The following B4GALNT3 variants were observed in gnomAD, a reference collection of about 807,000 sequenced individuals.
The protein encoded by B4GALNT3 is beta-1,4-N-acetylgalactosaminyltransferase 3.
A neutral mutation model predicts 120.2 loss-of-function variants in B4GALNT3; 86 were observed. The observed-to-expected ratio is 0.72, with a 90% CI of 0.60 to 0.86. The LOEUF is 0.86. Among genes scored for constraint, B4GALNT3 ranks in the 40% least tolerant of loss-of-function variants. B4GALNT3 has a pLI of 0.00. For synonymous variants in B4GALNT3, 518 were observed against 510.4 expected (o/e 1.01, Z -0.20); for missense variants, 1,167 against 1,298.9 (o/e 0.90, Z 1.56).
intron 4 of B4GALNT3, 44 bp downstream of exon 4, chr12:544,478 C>T (rs1429034855): frequency 6.7e-7 from 1 of 1,500,256 alleles, no homozygotes; most frequent in East Asian, 2.3e-5. Flanking sequence ...TCCACACCTG[C>T]CTCCTCTGCC....
At chr12:498,314 G>A (rs11063286) in intron 1 of B4GALNT3, among the ~76,000 whole-genome samples, 24,772 of 151,946 alleles carry the variant, frequency 0.16, 2,852 homozygotes, top group Admixed American at 0.3. Flanking sequence ...CACCATGTCC[G>A]CCCAAGTCCA....
At position 521,808 on chromosome 12, in the gene B4GALNT3, G is replaced by A. The variant is rs541358760; in HGVS notation, c.170-13358G>A. ...ACTGAGGACAGGCAACCAACAGTTCGCAGACCTCTATCGGCACTGAGCTGG... is the reference window on the plus strand; with the variant it reads ...ACTGAGGACAGGCAACCAACAGTTCACAGACCTCTATCGGCACTGAGCTGG... On this transcript the variant is annotated intron_variant, in intron 1 of 19. Coordinates refer to ENST00000266383, the MANE Select transcript of B4GALNT3 (RefSeq NM_173593.4). Among the ~76,000 whole-genome samples the A allele has an allele frequency of 4.0e-4, 61 of 152,270 alleles. 1 individual carries two copies. Among genetic ancestry groups the A allele is most frequent in the Middle Eastern group, 3.4e-3 (1 of 294 alleles).
rs201831321 is a variant in B4GALNT3 at position 527,037 on chromosome 12, G to A, written c.170-8129G>A. 1.1e-4 allele frequency among the ~76,000 whole-genome samples: 17 copies of A among 152,118 alleles called. No individual in the cohort carries two copies. In the East Asian group the frequency reaches 3.3e-3, roughly 29 times the overall value. Reference sequence around the variant, plus strand: ...TCTACCTCCTAGGTTCAATCCTCCCGAGTAGCTGGGAACACAGGTGCGCAC... The same window carrying A: ...TCTACCTCCTAGGTTCAATCCTCCCAAGTAGCTGGGAACACAGGTGCGCAC... On this transcript the variant is annotated intron_variant, in intron 1 of 19. Transcript: ENST00000266383.
intron 19 of B4GALNT3, among the ~76,000 whole-genome samples, chr12:560,055 G>T (rs1947209697): frequency 6.6e-6 from 1 of 152,178 alleles, no homozygotes; most frequent in Non-Finnish European, 1.5e-5. Flanking sequence ...GGGACACCAG[G>T]CCATGGGTGG....
At chr12:551,681 G>A (rs920288122) in intron 11 of B4GALNT3, among the ~76,000 whole-genome samples, 3 of 152,136 alleles carry the variant, frequency 2.0e-5, no homozygotes, top group African/African-American at 7.2e-5. Context: ...TAGGAAGAGG[G>A]GTTGTTCTAG....
intron 11 of B4GALNT3, 111 bp downstream of exon 11, chr12:551,142 C>T (rs1184356735): frequency 1.1e-6 from 1 of 946,092 alleles, no homozygotes; most frequent in Non-Finnish European, 1.6e-6. Flanking sequence ...CATCCCATCC[C>T]AGCAGACAGG....
At chr12:551,301 G>T (rs1947079945) in intron 11 of B4GALNT3, among the ~76,000 whole-genome samples, 1 of 152,190 alleles carries the variant, frequency 6.6e-6, no homozygotes, top group East Asian at 1.9e-4. Flanking sequence ...ATGATATCAG[G>T]TGGCCTGGCT....
At position 460,652 on chromosome 12, in the gene B4GALNT3, C is replaced by G. The variant is rs1394909875; in HGVS notation, c.169+107C>G. The G allele has an allele frequency of 6.4e-6, 7 of 1,100,692 alleles. No homozygotes were observed. In the Admixed American group the frequency reaches 2.5e-4, roughly 39 times the overall value. The allele number at this position is 1,100,692 out of a possible 1,614,324, so 68.2% of individuals were successfully genotyped here. A position where few individuals can be genotyped will look rare whatever the true frequency, so the allele number is the denominator to read the frequency against. On this transcript the variant is annotated intron_variant, in intron 1 of 19. Coordinates refer to ENST00000266383, the MANE Select transcript of B4GALNT3 (RefSeq NM_173593.4). This position sits in a 1 kb window ranked among gnomAD's most constrained non-coding sequence, Gnocchi z 8.0. ...CCCATCCTCAGACCCGATTTCCCAC[C>G]CATTTCTCCCTCAGGTGCCCGGCGT...
At chr12:483,104 C>G (rs536249299) in intron 1 of B4GALNT3, among the ~76,000 whole-genome samples, 54 of 151,996 alleles carry the variant, frequency 3.6e-4, no homozygotes, top group African/African-American at 1.3e-3. Context: ...GAGACAGGGT[C>G]TTACCGTGTT....
intron 1 of B4GALNT3, among the ~76,000 whole-genome samples, chr12:523,185 C>T (rs1946729059): frequency 6.6e-6 from 1 of 152,130 alleles, no homozygotes; most frequent in Admixed American, 6.6e-5. Flanking sequence ...CAGTGTCTGT[C>T]ACTTCACTCA....
chr12:528,445 G>T (rs1946777524), intron 1 of B4GALNT3, among the ~76,000 whole-genome samples: 1 of 152,196 alleles, frequency 6.6e-6, no homozygotes, highest in Admixed American at 6.5e-5. Flanking sequence ...CATATAACAG[G>T]CATATGTATG....
In B4GALNT3 at chr12:556,799, G is replaced by C. The variant is rs138011021; in HGVS notation, c.2313G>C (p.Glu771Asp). 2.2e-5 allele frequency: 36 copies of C among 1,613,754 alleles called. No homozygotes were observed. The African/African-American group carries it at 2.7e-4, about 12-fold the overall frequency. The change falls in exon 15 of 20, where the codon GAG becomes GAC. Residue 771 changes from glutamate (E) to aspartate (D), a missense_variant. This residue lies in a region of B4GALNT3 where 983 missense variants were observed against 1,102.5 expected (regional missense o/e 0.89). Coordinates refer to ENST00000266383, the MANE Select transcript of B4GALNT3 (RefSeq NM_173593.4). ...AGGTCCTGAATACCCGGGCCCAAGA[G>C]CCCAAGCTGTGCTGGCCTCAGGGTT... ...RRQVLNTRAQEPKLCWPQGFS... is the reference protein window; with the variant it reads ...RRQVLNTRAQDPKLCWPQGFS...
At chr12:487,977 G>T (rs1056061041) in intron 1 of B4GALNT3, among the ~76,000 whole-genome samples, 33 of 151,954 alleles carry the variant, frequency 2.2e-4, no homozygotes, top group African/African-American at 6.3e-4. Flanking sequence ...CCCAAAACTT[G>T]TAAGTAGCCA....
In B4GALNT3 at chr12:548,416, CG is replaced by C; in HGVS notation, c.853+122del. ...AAGGAAGCTCGAGATGCTTGGGACA[CG>C]GGTATGAAGGGGTCCAGAACAAGAG... is the stretch of plus-strand genomic sequence containing the variant. On this transcript the variant is annotated intron_variant, in intron 9 of 19. Coordinates refer to ENST00000266383, the MANE Select transcript of B4GALNT3 (RefSeq NM_173593.4). This position sits in a 1 kb window ranked among gnomAD's most constrained non-coding sequence, Gnocchi z 4.9. 1.1e-6 allele frequency: 1 copy of C among 926,646 alleles called. No individual in the cohort carries two copies. The allele number at this position is 926,646 out of a possible 1,614,324, so 57.4% of individuals were successfully genotyped here. A position where few individuals can be genotyped will look rare whatever the true frequency, so the allele number is the denominator to read the frequency against.
intron 1 of B4GALNT3, among the ~76,000 whole-genome samples, chr12:501,944 C>T (rs1314421612): frequency 2.0e-5 from 3 of 152,172 alleles, no homozygotes; most frequent in Non-Finnish European, 2.9e-5. Context: ...GATGGATTCA[C>T]GTGAATCCAT....
At chr12:523,974 T>C (rs1273924431) in intron 1 of B4GALNT3, among the ~76,000 whole-genome samples, 1 of 152,090 alleles carries the variant, frequency 6.6e-6, no homozygotes, top group Non-Finnish European at 1.5e-5. Context: ...GGCAGGAGAA[T>C]TGCTTGAATC....
At chr12:510,488 G>A (rs936954277) in intron 1 of B4GALNT3, among the ~76,000 whole-genome samples, 2 of 147,826 alleles carry the variant, frequency 1.4e-5, no homozygotes, top group African/African-American at 4.9e-5. Flanking sequence ...AGTTGGCTGG[G>A]CTGGGAGGGA....
intron 1 of B4GALNT3, among the ~76,000 whole-genome samples, chr12:533,367 C>A (rs902392532): frequency 6.6e-6 from 1 of 152,234 alleles, no homozygotes; most frequent in Non-Finnish European, 1.5e-5. Flanking sequence ...CTGCCCTGAA[C>A]TCGCCAGACC....
rs1373175498 is a variant in B4GALNT3 at position 563,115 on chromosome 12, C to T, written c.*1664C>T. ...TGGCTTAGGAAGGCCATACCTGCTC[C>T]CTGGGCTGTGGCTTTTTCTGGTCCC... On this transcript the variant is annotated 3_prime_UTR_variant, in exon 20 of 20. Transcript: ENST00000266383. 1 of 152,542 alleles carries T rather than the reference C, an allele frequency of 6.6e-6. No individual in the cohort carries two copies. Among genetic ancestry groups the T allele is most frequent in the Non-Finnish European group, 1.5e-5 (1 of 68,306 alleles). The allele number at this position is 152,542 out of a possible 1,614,324, so 9.4% of individuals were successfully genotyped here. A position where few individuals can be genotyped will look rare whatever the true frequency, so the allele number is the denominator to read the frequency against.
Sources: gnomAD v4.1 joint callset for allele counts (sites outside exome capture counted in the v4.1 genomes callset) on GRCh38, gnomAD v4.1.1 for gene constraint, gnomAD v4.1.1 regional missense constraint, Gnocchi (gnomAD v3.1) non-coding constraint, MANE v1.5 for transcripts, NCBI Gene and HGNC (gene_info 2026-07-23, HGNC 2026-07-21) for gene names.